The following NXN variants were observed in gnomAD, a reference collection of about 807,000 sequenced individuals.
NXN encodes nucleoredoxin 1.
NXN carries 16 observed loss-of-function variants against 48.6 expected under a neutral mutation model. That is an observed-to-expected ratio of 0.33 (90% CI 0.22 to 0.50). NXN has a LOEUF of 0.50. NXN is among the 20% of genes least tolerant of loss of function. The probability of loss-of-function intolerance (pLI) is 0.98; values close to 1 mark genes in which losing one functional copy is unlikely to be tolerated. For missense variants in NXN, 492 were observed against 605.5 expected, an observed-to-expected ratio of 0.81 and a Z score of 1.97; for synonymous variants, 281 against 269.6, an observed-to-expected ratio of 1.04 and a Z score of -0.41.
At position 802,912 on chromosome 17, in the gene NXN, C is replaced by T. The variant is rs114034796; in HGVS notation, c.1125+770G>A. 5.9e-3 allele frequency among the ~76,000 whole-genome samples: 702 copies of T among 118,144 alleles called. 4 individuals carry two copies. The highest frequency in any genetic ancestry group is 0.036 in the East Asian group (139 of 3,838). 77.5% of individuals were successfully genotyped at this position (118,144 alleles called of 152,430 possible). A position where few individuals can be genotyped will look rare whatever the true frequency, so the allele number is the denominator to read the frequency against. On this transcript the variant is annotated intron_variant, in intron 7 of 7. Transcript: ENST00000336868. ...AGATGGGTGGATGGAGGGCAGGGGG[C>T]GGCCTCCAAAACTGTCTGTCAGTCA...
At chr17:971,249 T>C (rs2069374686) in intron 1 of NXN, among the ~76,000 whole-genome samples, 2 of 150,778 alleles carry the variant, frequency 1.3e-5, no homozygotes, top group African/African-American at 4.9e-5. Context: ...CGTGGCCGAG[T>C]CTCTTTTAAT....
chr17:925,986 G>A (rs1283927155), intron 1 of NXN, among the ~76,000 whole-genome samples: 1 of 152,150 alleles, frequency 6.6e-6, no homozygotes, highest in Non-Finnish European at 1.5e-5. Flanking sequence ...AGTAGCAGCT[G>A]ATTCTCGTTG....
At position 899,204 on chromosome 17, in the gene NXN, C is replaced by T. The variant is rs917723065; in HGVS notation, c.361-73126G>A. 9.2e-5 allele frequency among the ~76,000 whole-genome samples: 14 copies of T among 152,226 alleles called. No individual in the cohort carries two copies. The East Asian group carries it at 1.2e-3, about 13-fold the overall frequency. On this transcript the variant is annotated intron_variant, in intron 1 of 7. Transcript: ENST00000336868. ...AACTCCTGACCTCAGGTGATCCACCCGCCTCGGCCTCCCAAAGTGCTGGGA... is the reference window on the plus strand; with the variant it reads ...AACTCCTGACCTCAGGTGATCCACCTGCCTCGGCCTCCCAAAGTGCTGGGA...
At chr17:838,625 C>T (rs1250697929) in intron 1 of NXN, among the ~76,000 whole-genome samples, 1 of 152,180 alleles carries the variant, frequency 6.6e-6, no homozygotes, top group Non-Finnish European at 1.5e-5. Flanking sequence ...CTTTACGTTA[C>T]ATATATTTGG....
intron 1 of NXN, among the ~76,000 whole-genome samples, chr17:848,345 G>A (rs2067887797): frequency 6.6e-6 from 1 of 152,142 alleles, no homozygotes; most frequent in Admixed American, 6.5e-5. Flanking sequence ...TCACCATGTT[G>A]GCCAGGGCTG....
In NXN at chr17:805,225, C is replaced by T. The variant is rs760397020; in HGVS notation, c.843G>A (p.Leu281=). ...GCGTGATCACCTCGCCCTGCGGGTC[C>T]AGCATGATGAGCGTGGGGATGCCTG... The part of the protein sequence containing the change: ...GIQGIPTLIM[L]DPQGEVITRQ... The change falls in exon 6 of 8, where the codon CTG becomes CTA. Residue 281 remains leucine, a synonymous_variant. Transcript: ENST00000336868. 6 of 1,611,570 alleles carry T rather than the reference C, an allele frequency of 3.7e-6. No homozygotes were observed. The highest frequency in any genetic ancestry group is 4.2e-6 in the Non-Finnish European group (5 of 1,179,438).
At chr17:913,773 GA>G (rs922037542) in intron 1 of NXN, among the ~76,000 whole-genome samples, 4 of 152,018 alleles carry the variant, frequency 2.6e-5, no homozygotes, top group South Asian at 4.2e-4. Flanking sequence ...AAATGAAGCA[GA>G]AAAAAAATGT....
Position 839,808 on chromosome 17 carries a change from A to AAAAAAAAC in NXN, c.361-13731_361-13730insGTTTTTTT, listed in dbSNP as rs1352197383. On this transcript the variant is annotated intron_variant, in intron 1 of 7. Coordinates refer to ENST00000336868, the MANE Select transcript of NXN (RefSeq NM_022463.5). ...CAGAGAGACCTTGTTAAAAAAAAAA[A>AAAAAAAAC]AAAAAAGGCCAGGCACGGTGGCTCA... is the stretch of plus-strand genomic sequence containing the variant. 2.1e-4 allele frequency among the ~76,000 whole-genome samples: 30 copies of AAAAAAAAC among 143,802 alleles called. 2 individuals carry two copies. The highest frequency in any genetic ancestry group is 7.5e-4 in the African/African-American group (28 of 37,376). 94.3% of individuals were successfully genotyped at this position (143,802 alleles called of 152,430 possible). A position where few individuals can be genotyped will look rare whatever the true frequency, so the allele number is the denominator to read the frequency against.
intron 1 of NXN, among the ~76,000 whole-genome samples, chr17:856,524 T>TC (rs2144765594): frequency 6.8e-6 from 1 of 147,068 alleles, no homozygotes; most frequent in South Asian, 2.2e-4. Flanking sequence ...TGAGTCTTGC[T>TC]CTGTCGCCCA....
At chr17:906,184 C>T (rs978556098) in intron 1 of NXN, among the ~76,000 whole-genome samples, 6 of 152,140 alleles carry the variant, frequency 3.9e-5, no homozygotes, top group Admixed American at 6.5e-5. Flanking sequence ...AGACTTGCCT[C>T]ATTCTCAGGT....
intron 1 of NXN, among the ~76,000 whole-genome samples, chr17:870,280 A>T (rs2068137334): frequency 6.6e-6 from 1 of 152,188 alleles, no homozygotes; most frequent in African/African-American, 2.4e-5. Context: ...AAGCAAAGGG[A>T]AAGTTCATCC....
At chr17:876,920 C>T (rs112239889) in intron 1 of NXN, among the ~76,000 whole-genome samples, 8,565 of 151,506 alleles carry the variant, frequency 0.057, 792 homozygotes, top group African/African-American at 0.19. Flanking sequence ...TGGTGGCGGT[C>T]GCCTGTAATC....
Position 804,638 on chromosome 17 carries a change from A to G in NXN, c.1000+430T>C, listed in dbSNP as rs557215555. ...GGTGAGATGGGAGACGGGGAGGTGC[A>G]AGCGAGGACAAAGGAGCCAAGGCAG... is the stretch of plus-strand genomic sequence containing the variant. On this transcript the variant is annotated intron_variant, in intron 6 of 7. Coordinates refer to ENST00000336868, the MANE Select transcript of NXN (RefSeq NM_022463.5). Among the ~76,000 whole-genome samples, 7 of 152,262 alleles carry G rather than the reference A, an allele frequency of 4.6e-5. No individual in the cohort carries two copies. In the South Asian group the frequency reaches 1.4e-3, roughly 32 times the overall value.
chr17:870,203 C>T (rs2068136633), intron 1 of NXN, among the ~76,000 whole-genome samples: 1 of 152,176 alleles, frequency 6.6e-6, no homozygotes, highest in Non-Finnish European at 1.5e-5. Context: ...ATTCCAGTCT[C>T]CATTTGGCCC....
intron 1 of NXN, among the ~76,000 whole-genome samples, chr17:880,799 A>C (rs1265747391): frequency 6.6e-6 from 1 of 152,092 alleles, no homozygotes; most frequent in African/African-American, 2.4e-5. Context: ...CCTTTTGGCC[A>C]AAAGAGTAAG....
intron 1 of NXN, among the ~76,000 whole-genome samples, chr17:973,708 C>T (rs1440702511): frequency 6.6e-6 from 1 of 151,770 alleles, no homozygotes; most frequent in Non-Finnish European, 1.5e-5. Context: ...AAGACGGAGT[C>T]TTGCTCTGTC....
rs1911086298 is a variant in NXN, at chr17:799,403, C to A, written c.*1546G>T. ...GGGTGATCGCATTTCAGGCTGGTAA[C>A]ATCACATAACAAGTCTAATCGCCAA... On this transcript the variant is annotated 3_prime_UTR_variant, in exon 8 of 8. Coordinates refer to ENST00000336868, the MANE Select transcript of NXN (RefSeq NM_022463.5). 6.6e-6 allele frequency: 1 copy of A among 152,266 alleles called. No individual in the cohort carries two copies. Among genetic ancestry groups the A allele is most frequent in the South Asian group, 2.1e-4 (1 of 4,836 alleles). 9.4% of individuals were successfully genotyped at this position (152,266 alleles called of 1,614,324 possible).
intron 1 of NXN, among the ~76,000 whole-genome samples, chr17:868,577 C>T (rs1330473932): frequency 3.9e-5 from 6 of 152,230 alleles, no homozygotes; most frequent in Admixed American, 6.5e-5. Flanking sequence ...CTGCAACCTC[C>T]GCCTCCCGGG....
intron 1 of NXN, among the ~76,000 whole-genome samples, chr17:900,094 T>C (rs1270202710): frequency 1.3e-5 from 2 of 152,028 alleles, no homozygotes; most frequent in Non-Finnish European, 2.9e-5. Flanking sequence ...GGAGAAACCC[T>C]GTCTCTACTA....
Sources: allele counts gnomAD v4.1 joint callset (sites outside exome capture counted in the v4.1 genomes callset), GRCh38; gene constraint gnomAD v4.1.1; transcripts MANE v1.5; gene names NCBI Gene and HGNC (gene_info 2026-07-23, HGNC 2026-07-21).